Variants in DENND2C observed in about 807,000 individuals in gnomAD.
DENND2C encodes the protein DENN domain containing 2C.
A neutral mutation model predicts 112.4 loss-of-function variants in DENND2C; 72 were observed. That is an observed-to-expected ratio of 0.64 (90% confidence interval 0.53 to 0.78). DENND2C has a LOEUF of 0.78. Among genes scored for constraint, DENND2C ranks in the 30% least tolerant of loss-of-function variants. The pLI is 0.00. For synonymous variants in DENND2C, 329 were observed against 381.6 expected (o/e 0.86, Z 1.61); for missense variants, 992 against 1,113.8 (o/e 0.89, Z 1.56).
At chr1:114,663,951 CTTTTTTT>C (rs538184910) in intron 1 of DENND2C, among the ~76,000 whole-genome samples, 1 of 131,010 alleles carries the variant, frequency 7.6e-6, no homozygotes, top group Non-Finnish European at 1.6e-5. Context: ...TACTGCTATT[CTTTTTTT>C]TTTTTTTTTT....
chr1:114,628,988 T>C (rs1390695030), intron 3 of DENND2C, among the ~76,000 whole-genome samples: 2 of 152,276 alleles, frequency 1.3e-5, no homozygotes, highest in Admixed American at 6.5e-5. Flanking sequence ...TTTGTATACT[T>C]GTCCTAGAGA....
At chr1:114,587,328 T>G in intron 20 of DENND2C, 59 bp downstream of exon 20, 16 of 1,581,526 alleles carry the variant, frequency 1.0e-5, no homozygotes, top group Non-Finnish European at 1.3e-5. Flanking sequence ...ATTACAGGCA[T>G]GAGCCACCGC....
At chr1:114,601,024 AG>A in intron 13 of DENND2C, 64 bp from the exon 14 acceptor site, 1 of 1,521,138 alleles carries the variant, frequency 6.6e-7, no homozygotes, top group Admixed American at 2.0e-5. Context: ...ATGCCATTAC[AG>A]GAACTGCCAA....
chr1:114,605,018 T>C lies in DENND2C; in HGVS notation c.1571A>G (p.Tyr524Cys). The C allele has an allele frequency of 6.2e-7, 1 of 1,612,580 alleles. No homozygotes were observed. Among genetic ancestry groups the C allele is most frequent in the South Asian group, 1.1e-5 (1 of 90,952 alleles). ...CTCTTCCATGTCTTTGGACTGCTTATAGCCATGATCATCCTGAAAAAGATA... is the reference window on the plus strand; with the variant it reads ...CTCTTCCATGTCTTTGGACTGCTTACAGCCATGATCATCCTGAAAAAGATA... ...QQFPGKDDHGYKQSKDMEERL... is the reference protein window; with the variant it reads ...QQFPGKDDHGCKQSKDMEERL... The change falls in exon 11 of 21, where the codon TAT (tyrosine) becomes TGT (cysteine). Residue 524 changes from tyrosine to cysteine, a missense_variant. Around this residue, in one of 3 missense-constraint regions of DENND2C, gnomAD observed 516 missense variants for 623.6 expected, o/e 0.83. Coordinates refer to ENST00000393274, the MANE Select transcript of DENND2C (RefSeq NM_001256404.2).
intron 16 of DENND2C, 128 bp from the exon 17 acceptor site, chr1:114,596,001 C>T: frequency 2.6e-6 from 2 of 777,334 alleles, no homozygotes; most frequent in South Asian, 3.1e-5. Flanking sequence ...ATCAACACAA[C>T]AAAAAATAAA....
intron 3 of DENND2C, among the ~76,000 whole-genome samples, chr1:114,630,384 C>T (rs1318532720): frequency 6.6e-6 from 1 of 151,726 alleles, no homozygotes; most frequent in African/African-American, 2.4e-5. Flanking sequence ...GATGGAGTAG[C>T]TGAACTAGGC....
chr1:114,641,117 G>A (rs918045997), intron 3 of DENND2C, among the ~76,000 whole-genome samples: 3 of 151,904 alleles, frequency 2.0e-5, no homozygotes, highest in Non-Finnish European at 4.4e-5. Flanking sequence ...AGGTAGGAAA[G>A]CCATTCCTAG....
At chr1:114,665,052 C>G (rs1657608184) in intron 1 of DENND2C, among the ~76,000 whole-genome samples, 1 of 151,744 alleles carries the variant, frequency 6.6e-6, no homozygotes, top group Non-Finnish European at 1.5e-5. Flanking sequence ...TGAGATCACA[C>G]TACTGCACTC....
chr1:114,636,007 AAAATAAAT>A (rs966763852), intron 3 of DENND2C, among the ~76,000 whole-genome samples: 1 of 151,234 alleles, frequency 6.6e-6, no homozygotes, highest in African/African-American at 2.4e-5. Flanking sequence ...CTCCATCTCA[AAAATAAAT>A]AAATAAATAA....
intron 16 of DENND2C, 69 bp from the exon 17 acceptor site, chr1:114,595,942 G>A: frequency 7.1e-7 from 1 of 1,404,160 alleles, no homozygotes; most frequent in Non-Finnish European, 1.0e-6. Flanking sequence ...AATGAGAATA[G>A]TTTTAAACAA....
intron 11 of DENND2C, among the ~76,000 whole-genome samples, chr1:114,603,163 C>T (rs532563240): frequency 7.7e-4 from 114 of 147,926 alleles, no homozygotes; most frequent in Middle Eastern, 3.6e-3. Context: ...TTTTCTGAGA[C>T]GGAGTCTCAC....
chr1:114,617,492 GT>G (rs1479417562), intron 8 of DENND2C, among the ~76,000 whole-genome samples: 1 of 151,934 alleles, frequency 6.6e-6, no homozygotes, highest in African/African-American at 2.4e-5. Flanking sequence ...TGTATTTTTA[GT>G]AGAGACAGGT....
chr1:114,615,265 G>C (rs1036069575), intron 8 of DENND2C, among the ~76,000 whole-genome samples: 1 of 152,152 alleles, frequency 6.6e-6, no homozygotes, highest in African/African-American at 2.4e-5. Context: ...TCTATGTCTA[G>C]TTTTAAATAA....
At chr1:114,653,048 T>C (rs1657213847) in intron 2 of DENND2C, among the ~76,000 whole-genome samples, 1 of 152,082 alleles carries the variant, frequency 6.6e-6, no homozygotes. Context: ...GCAAAATCCA[T>C]GGATACAGAA....
At chr1:114,613,825 C>T (rs552156510) in intron 8 of DENND2C, among the ~76,000 whole-genome samples, 2 of 152,008 alleles carry the variant, frequency 1.3e-5, no homozygotes, top group Admixed American at 6.6e-5. Flanking sequence ...CCACAGGGAT[C>T]GAAAAAGTAC....
At chr1:114,637,294 A>C (rs1245727657) in intron 3 of DENND2C, among the ~76,000 whole-genome samples, 1 of 149,476 alleles carries the variant, frequency 6.7e-6, no homozygotes, top group Non-Finnish European at 1.5e-5. Flanking sequence ...GCTTGAACCC[A>C]GGAGGTGGAG....
At chr1:114,622,712 T>C (rs1401091580) in intron 6 of DENND2C, among the ~76,000 whole-genome samples, 1 of 150,998 alleles carries the variant, frequency 6.6e-6, no homozygotes, top group Non-Finnish European at 1.5e-5. Context: ...TGTAGACTAA[T>C]AGGGGGAGTG....
chr1:114,625,923 A>G lies in DENND2C; in HGVS notation c.62T>C (p.Ile21Thr). The G allele has an allele frequency of 6.2e-7, 1 of 1,613,988 alleles. No homozygotes were observed. The highest frequency in any genetic ancestry group is 8.5e-7 in the Non-Finnish European group (1 of 1,179,954). Residue 21 changes from isoleucine to threonine, a missense_variant, in exon 4 of 21, where the codon ATC becomes ACC. Physicochemically the swap from Ile to Thr is moderately conservative, Grantham distance 89. This residue lies in a region of DENND2C where 470 missense variants were observed against 472.7 expected (regional missense o/e 0.99). Transcript: ENST00000393274. The part of the protein sequence containing the change: ...QTLSRSHCKN[I>T]KQKISQWEGR... The stretch of plus-strand genomic sequence containing the variant: ...TTCCCATTGAGAAATTTTTTGTTTG[A>G]TGTTTTTGCAGTGGCTTCTTGACAG...
At chr1:114,595,684 A>G in intron 17 of DENND2C, 148 bp downstream of exon 17, 1 of 683,194 alleles carries the variant, frequency 1.5e-6, no homozygotes, top group Non-Finnish European at 2.5e-6. Context: ...ATCTTGCATG[A>G]TTGGCCATGG....
Sources: allele counts gnomAD v4.1 joint callset (sites outside exome capture counted in the v4.1 genomes callset), GRCh38; gene constraint gnomAD v4.1.1; regional missense constraint gnomAD v4.1.1; transcripts MANE v1.5; gene names NCBI Gene and HGNC (gene_info 2026-07-23, HGNC 2026-07-21).